Variants in GPR137B observed in about 807,000 individuals in gnomAD.
GPR137B encodes the protein G protein-coupled receptor 137B, also known as integral membrane protein GPR137B.
A neutral mutation model predicts 42.5 loss-of-function variants in GPR137B; 42 were observed. That is an observed-to-expected ratio of 0.99 (90% CI 0.77 to 1.28). GPR137B has a LOEUF of 1.28. GPR137B is among the 50% of genes most tolerant of loss of function. GPR137B has a pLI of 0.00. For missense variants in GPR137B, 487 were observed against 493.9 expected (o/e 0.99, Z 0.13); for synonymous variants, 218 against 209.7 (o/e 1.04, Z -0.34).
At chr1:236,146,861 C>A (rs376396756) in intron 1 of GPR137B, among the ~76,000 whole-genome samples, 1 of 152,052 alleles carries the variant, frequency 6.6e-6, no homozygotes. Context: ...TCACCCAGGC[C>A]GCAGTAGTGT....
At chr1:236,165,948 T>G (rs1002215865) in intron 1 of GPR137B, among the ~76,000 whole-genome samples, 2 of 152,384 alleles carry the variant, frequency 1.3e-5, no homozygotes, top group South Asian at 2.1e-4. Context: ...TGAACATTTA[T>G]GTATGGTGGC....
chr1:236,190,148 CTTTTTTTTT>C (rs34520510), intron 5 of GPR137B, among the ~76,000 whole-genome samples: 2 of 119,426 alleles, frequency 1.7e-5, no homozygotes, highest in African/African-American at 3.2e-5. Flanking sequence ...CCTGCTTCTT[CTTTTTTTTT>C]TTTTTTTTTT....
chr1:236,202,308 G>GT (rs1389011555), intron 5 of GPR137B, among the ~76,000 whole-genome samples: 1 of 152,088 alleles, frequency 6.6e-6, no homozygotes, highest in Non-Finnish European at 1.5e-5. Flanking sequence ...ATTAGCTGTT[G>GT]TTTTCTCCTT....
chr1:236,191,318 C>T (rs1663186135), intron 5 of GPR137B, among the ~76,000 whole-genome samples: 1 of 152,070 alleles, frequency 6.6e-6, no homozygotes, highest in African/African-American at 2.4e-5. Context: ...TTTATTATTA[C>T]CCACCTTCTG....
At chr1:236,160,289 G>A (rs1221734296) in intron 1 of GPR137B, among the ~76,000 whole-genome samples, 3 of 152,164 alleles carry the variant, frequency 2.0e-5, no homozygotes, top group African/African-American at 7.2e-5. Context: ...GGAGCCCAAG[G>A]AAGGGGAGGG....
At chr1:236,206,900 T>C (rs1293908026) in intron 6 of GPR137B, among the ~76,000 whole-genome samples, 1 of 152,144 alleles carries the variant, frequency 6.6e-6, no homozygotes, top group African/African-American at 2.4e-5. Context: ...TCTCTGCTTG[T>C]CCTCTCAGGA....
intron 1 of GPR137B, among the ~76,000 whole-genome samples, chr1:236,153,730 T>C (rs945711028): frequency 6.6e-5 from 10 of 152,220 alleles, no homozygotes; most frequent in African/African-American, 2.4e-4. Flanking sequence ...AGTAGAGATA[T>C]GAAGTGTGAG....
rs1241971451 is a variant in GPR137B, at chr1:236,155,688, G to T, written c.414+12652G>T. Among the ~76,000 whole-genome samples, 1 of 152,142 alleles carries T rather than the reference G, an allele frequency of 6.6e-6. No individual in the cohort carries two copies. Among genetic ancestry groups the T allele is most frequent in the Non-Finnish European group, 1.5e-5 (1 of 68,000 alleles). On this transcript the variant is annotated intron_variant, in intron 1 of 6. Transcript: ENST00000366592. This position sits in a 1 kb window ranked among gnomAD's most constrained non-coding sequence, Gnocchi z 4.6. The stretch of plus-strand genomic sequence containing the variant: ...AGCTCAGTTTATGAGGCTCAGGGAG[G>T]CTCTCGTGAGCCGATGGAGGGGTGG...
At chr1:236,190,994 T>C (rs1663176877) in intron 5 of GPR137B, among the ~76,000 whole-genome samples, 1 of 152,222 alleles carries the variant, frequency 6.6e-6, no homozygotes, top group Non-Finnish European at 1.5e-5. Flanking sequence ...AATGTAGATT[T>C]GGTCTTTTCA....
intron 1 of GPR137B, among the ~76,000 whole-genome samples, chr1:236,167,066 A>C (rs972153876): frequency 6.6e-6 from 1 of 152,170 alleles, no homozygotes; most frequent in Non-Finnish European, 1.5e-5. Flanking sequence ...AACTCCATGG[A>C]GAGCAGTTTG....
At position 236,159,933 on chromosome 1, in the gene GPR137B, C is replaced by T. The variant is rs572097145; in HGVS notation, c.415-8773C>T. ...ATGAGGGCTCTCGAACATTCCCCAG[C>T]GCCTGACAGCGGCCAGCTGGGGACA... On this transcript the variant is annotated intron_variant, in intron 1 of 6. Transcript: ENST00000366592. Among the ~76,000 whole-genome samples, 36 of 152,330 alleles carry T rather than the reference C, an allele frequency of 2.4e-4. No homozygotes were observed. The South Asian group carries it at 6.8e-3, about 29-fold the overall frequency.
At chr1:236,205,899 A>G in intron 6 of GPR137B, among the ~76,000 whole-genome samples, 1 of 152,226 alleles carries the variant, frequency 6.6e-6, no homozygotes, top group Non-Finnish European at 1.5e-5. Flanking sequence ...GTGTGCTCTG[A>G]ATCTCCAAGA....
intron 1 of GPR137B, among the ~76,000 whole-genome samples, chr1:236,159,899 G>A (rs146207851): frequency 9.9e-5 from 15 of 152,188 alleles, no homozygotes; most frequent in African/African-American, 2.9e-4. Flanking sequence ...CGGGTGGTGC[G>A]GAAAGCCCAT....
intron 1 of GPR137B, among the ~76,000 whole-genome samples, chr1:236,153,740 G>A (rs1214674494): frequency 6.6e-6 from 1 of 152,196 alleles, no homozygotes; most frequent in African/African-American, 2.4e-5. Context: ...TGAAGTGTGA[G>A]ATGTTTTCAG....
chr1:236,208,599 T>G lies in GPR137B; in HGVS notation c.*441T>G. 1.0e-6 allele frequency: 1 copy of G among 980,976 alleles called. No individual in the cohort carries two copies. The highest frequency in any genetic ancestry group is 1.1e-4 in the East Asian group (1 of 8,814). The allele number at this position is 980,976 out of a possible 1,614,324, so 60.8% of individuals were successfully genotyped here. ...AAGTATTCCACAAATCTTACCTCTT[T>G]AGGTCACTGATGGTCACTCCGATTC... On this transcript the variant is annotated 3_prime_UTR_variant, in exon 7 of 7. Coordinates refer to ENST00000366592, the MANE Select transcript of GPR137B (RefSeq NM_003272.4).
At chr1:236,178,386 G>C (rs1009035397) in intron 2 of GPR137B, 28 bp from the exon 3 acceptor site, 1 of 1,368,222 alleles carries the variant, frequency 7.3e-7, no homozygotes. Flanking sequence ...GGGATGTGCA[G>C]CTGACAAGTT....
At chr1:236,147,415 G>T (rs1373044043) in intron 1 of GPR137B, among the ~76,000 whole-genome samples, 2 of 152,182 alleles carry the variant, frequency 1.3e-5, no homozygotes, top group Non-Finnish European at 2.9e-5. Flanking sequence ...CCTTCTTCAG[G>T]GGGCAGCCAC....
chr1:236,169,777 C>T (rs527917367), intron 2 of GPR137B, among the ~76,000 whole-genome samples: 18 of 152,164 alleles, frequency 1.2e-4, no homozygotes, highest in Admixed American at 7.8e-4. Context: ...CGGTGGCTCA[C>T]GCCTGTAATC....
At position 236,179,865 on chromosome 1, in the gene GPR137B, T is replaced by TC. The variant is rs753359593; in HGVS notation, c.688-11dup. The TC allele has an allele frequency of 9.0e-6, 14 of 1,560,510 alleles. No homozygotes were observed. In the African/African-American group the frequency reaches 1.5e-4, roughly 17 times the overall value. Reference sequence around the variant, plus strand: ...ACCTGGAGTGTCCCATACCTTCTGCTCCCTCTTTTCCAGGGCTCCTCCGTG... The same window carrying TC: ...ACCTGGAGTGTCCCATACCTTCTGCTCCCCTCTTTTCCAGGGCTCCTCCGTG... On this transcript the variant is annotated splice_polypyrimidine_tract_variant and intron_variant, in intron 3 of 6. Transcript: ENST00000366592.
Sources: gnomAD v4.1 joint callset for allele counts (sites outside exome capture counted in the v4.1 genomes callset) on GRCh38, gnomAD v4.1.1 for gene constraint, Gnocchi (gnomAD v3.1) non-coding constraint, MANE v1.5 for transcripts, NCBI Gene and HGNC (gene_info 2026-07-23, HGNC 2026-07-21) for gene names.